The following RNF6 variants were observed in gnomAD, a reference collection of about 807,000 sequenced individuals.
RNF6 encodes the protein ring finger protein 6.
RNF6 carries 21 observed loss-of-function variants against 50.1 expected under a neutral mutation model. That is an observed-to-expected ratio of 0.42 (90% CI 0.30 to 0.60). The LOEUF (loss-of-function observed/expected upper bound fraction) is 0.60, where lower values mean the gene tolerates loss of function less well. Among genes scored for constraint, RNF6 ranks in the 20% least tolerant of loss-of-function variants. The pLI, the probability that RNF6 is intolerant of heterozygous loss-of-function variation, is 0.20. For missense variants in RNF6, 698 were observed against 838.2 expected, an observed-to-expected ratio of 0.83 and a Z score of 2.07; for synonymous variants, 255 against 291.8, an observed-to-expected ratio of 0.87 and a Z score of 1.29.
chr13:26,197,868 A>C (rs1240879503), intron 5 of RNF6, among the ~76,000 whole-genome samples: 9 of 151,892 alleles, frequency 5.9e-5, no homozygotes, highest in Admixed American at 5.9e-4. Flanking sequence ...TTCTCTGATC[A>C]TATGGGAATT....
At chr13:26,204,745 C>G (rs1251597697) in intron 5 of RNF6, among the ~76,000 whole-genome samples, 1 of 151,980 alleles carries the variant, frequency 6.6e-6, no homozygotes, top group Non-Finnish European at 1.5e-5. Flanking sequence ...GTAAGAAGGG[C>G]CTAAGAAATA....
chr13:26,220,077 G>A (rs1044993632), intron 2 of RNF6, among the ~76,000 whole-genome samples: 1 of 152,180 alleles, frequency 6.6e-6, no homozygotes. Flanking sequence ...AATGAGCAAA[G>A]GGATACTGGG....
At chr13:26,219,264 A>AT in intron 3 of RNF6, 193 bp downstream of exon 3, 1 of 512,212 alleles carries the variant, frequency 2.0e-6, no homozygotes, top group Non-Finnish European at 3.4e-6. Flanking sequence ...CATGTCCCCT[A>AT]TTTTCACCTT....
intron 5 of RNF6, among the ~76,000 whole-genome samples, chr13:26,205,840 T>C (rs2137719222): frequency 6.6e-6 from 1 of 152,250 alleles, no homozygotes; most frequent in East Asian, 1.9e-4. Flanking sequence ...GTCGAAACCC[T>C]GTCTCTACAA....
intron 5 of RNF6, among the ~76,000 whole-genome samples, chr13:26,204,684 T>C (rs545203337): frequency 4.9e-4 from 75 of 152,292 alleles, no homozygotes; most frequent in Admixed American, 3.1e-3. Context: ...TCTATAAGTC[T>C]GTACTCATCA....
In RNF6 at chr13:26,214,750, C is replaced by T. The variant is rs1869669118; in HGVS notation, c.1132G>A (p.Val378Ile). 2 of 1,614,080 alleles carry T rather than the reference C, an allele frequency of 1.2e-6. No individual in the cohort carries two copies. The highest frequency in any genetic ancestry group is 1.3e-5 in the African/African-American group (1 of 74,916). ...CTGCTGGATTCTTCTCCTTCTTCTA[C>T]TGTTATTCTTGACACAAGCCTTGAA... ...SNSRLVSRIT[V>I]EEGEESSRSS... The change falls in exon 5 of 5, where the codon GTA (valine) becomes ATA (isoleucine). Residue 378 changes from valine to isoleucine, a missense_variant. Val to Ile is a conservative substitution (Grantham distance 29). Transcript: ENST00000381588.
rs1436553487 is a variant in RNF6 at position 26,218,576 on chromosome 13, C to T, written c.224G>A (p.Arg75Gln). The part of the protein sequence containing the change: ...GEITSEELQQ[R>Q]LDGVKEQLAS... ...TAGTTGTTCCTTGACGCCATCTAAC[C>T]GCTGTTGCAGTTCTTCTGATGTTAT... Residue 75 changes from arginine to glutamine, a missense_variant, in exon 4 of 5, where the codon CGG becomes CAG. Coordinates refer to ENST00000381588, the MANE Select transcript of RNF6 (RefSeq NM_005977.4). 5 of 1,613,746 alleles carry T rather than the reference C, an allele frequency of 3.1e-6. No individual in the cohort carries two copies. In the South Asian group the frequency reaches 3.3e-5, roughly 11 times the overall value.
At chr13:26,177,246 T>C (rs1379289131) in intron 5 of RNF6, among the ~76,000 whole-genome samples, 2 of 152,208 alleles carry the variant, frequency 1.3e-5, no homozygotes, top group East Asian at 3.9e-4. Flanking sequence ...ACAAACCTCC[T>C]GGAAGCAGTG....
At chr13:26,203,598 A>C (rs2137713398) in intron 5 of RNF6, among the ~76,000 whole-genome samples, 1 of 152,338 alleles carries the variant, frequency 6.6e-6, no homozygotes, top group East Asian at 1.9e-4. Flanking sequence ...ACTACGCATA[A>C]AGGCAATATT....
At chr13:26,154,050 T>C (rs1277116522) in intron 5 of RNF6, 1 of 152,222 alleles carries the variant, frequency 6.6e-6, no homozygotes, top group East Asian at 1.9e-4. Context: ...AGAATCCTAA[T>C]CTAATAACGT....
intron 5 of RNF6, among the ~76,000 whole-genome samples, chr13:26,141,789 C>T (rs1870968051): frequency 6.6e-6 from 1 of 151,980 alleles, no homozygotes; most frequent in South Asian, 2.1e-4. Flanking sequence ...TAAAAGAAAA[C>T]CTAGGACATA....
At chr13:26,217,390 C>G (rs570978193) in intron 4 of RNF6, among the ~76,000 whole-genome samples, 1 of 152,196 alleles carries the variant, frequency 6.6e-6, no homozygotes, top group Admixed American at 6.5e-5. Flanking sequence ...AGTACCTACT[C>G]AAAGCTACCC....
Position 26,206,187 on chromosome 13 carries a change from C to G in RNF6, n.768+9287G>C, listed in dbSNP as rs553051837. On this transcript the variant is annotated intron_variant and non_coding_transcript_variant, in intron 5 of 5. Transcript: ENST00000468480. The stretch of plus-strand genomic sequence containing the variant: ...GGGAACCCTTCCCATCCGCCTCCCC[C>G]CCACCACCCTCCCCACTGCCCCCCG... Among the ~76,000 whole-genome samples, 15 of 152,150 alleles carry G rather than the reference C, an allele frequency of 9.9e-5. No individual in the cohort carries two copies. The South Asian group carries it at 1.7e-3, about 17-fold the overall frequency.
intron 5 of RNF6, among the ~76,000 whole-genome samples, chr13:26,163,527 G>T (rs559054109): frequency 2.0e-5 from 3 of 152,110 alleles, no homozygotes; most frequent in Non-Finnish European, 4.4e-5. Flanking sequence ...TTACATCTAA[G>T]AATGAAGATA....
At chr13:26,152,752 TTATAA>T (rs1871686575) in intron 5 of RNF6, among the ~76,000 whole-genome samples, 1 of 152,170 alleles carries the variant, frequency 6.6e-6, no homozygotes, top group Non-Finnish European at 1.5e-5. Context: ...ACAAAACTAG[TTATAA>T]TATGTTACAT....
chr13:26,179,788 G>A (rs1215061561), intron 5 of RNF6, among the ~76,000 whole-genome samples: 7 of 152,166 alleles, frequency 4.6e-5, no homozygotes, highest in East Asian at 1.9e-4. Flanking sequence ...GATGTAGCAC[G>A]TTGACTGACA....
chr13:26,215,434 T>C lies in RNF6; in HGVS notation c.448A>G (p.Ser150Gly), dbSNP rs2137761240. 6.2e-7 allele frequency: 1 copy of C among 1,614,228 alleles called. No individual in the cohort carries two copies. Among genetic ancestry groups the C allele is most frequent in the Non-Finnish European group, 8.5e-7 (1 of 1,180,034 alleles). ...TNPNNGEFRFSLEIHVNHENR... is the reference protein window; with the variant it reads ...TNPNNGEFRFGLEIHVNHENR... ...TCATGATTTACGTGGATTTCCAAAC[T>C]AAACCGAAACTCTCCATTGTTCGGG... Residue 150 changes from serine to glycine, a missense_variant, in exon 5 of 5, where the codon AGT (serine) becomes GGT (glycine). Physicochemically the swap from Ser to Gly is moderately conservative, Grantham distance 56. Coordinates refer to ENST00000381588, the MANE Select transcript of RNF6 (RefSeq NM_005977.4).
chr13:26,214,349 C>T lies in RNF6; in HGVS notation c.1533G>A (p.Gln511=). The T allele has an allele frequency of 5.6e-6, 9 of 1,614,134 alleles. No individual in the cohort carries two copies. Among genetic ancestry groups the T allele is most frequent in the Non-Finnish European group, 7.6e-6 (9 of 1,180,034 alleles). Residue 511 remains glutamine (Q), a synonymous_variant, in exon 5 of 5, where the codon CAG becomes CAA. Coordinates refer to ENST00000381588, the MANE Select transcript of RNF6 (RefSeq NM_005977.4). Reference sequence around the variant, plus strand: ...GTTCTGAGTGCATGTCTGGTAAATGCTGGCCATTTCTTTGAAGTTCTGACT... The same window carrying T: ...GTTCTGAGTGCATGTCTGGTAAATGTTGGCCATTTCTTTGAAGTTCTGACT... The part of the protein sequence containing the change: ...DSESELQRNG[Q]HLPDMHSELS...
intron 5 of RNF6, among the ~76,000 whole-genome samples, chr13:26,175,475 C>G (rs1420816255): frequency 1.3e-5 from 2 of 152,210 alleles, no homozygotes; most frequent in African/African-American, 2.4e-5. Context: ...CTCCTTGTCT[C>G]CTCTCAGATG....
Sources: allele counts gnomAD v4.1 joint callset (sites outside exome capture counted in the v4.1 genomes callset), GRCh38; gene constraint gnomAD v4.1.1; transcripts MANE v1.5; gene names NCBI Gene and HGNC (gene_info 2026-07-23, HGNC 2026-07-21).